The following SNX10 variants were observed in gnomAD, a reference collection of about 807,000 sequenced individuals.
The protein encoded by SNX10 is sorting nexin 10.
A neutral mutation model predicts 28.5 loss-of-function variants in SNX10; 25 were observed. The observed-to-expected ratio is 0.88, with a 90% CI of 0.64 to 1.22. The LOEUF (loss-of-function observed/expected upper bound fraction) is 1.22, where lower values mean the gene tolerates loss of function less well. SNX10 is among the 50% of genes most tolerant of loss of function. SNX10 has a pLI of 0.00. For synonymous variants in SNX10, 62 were observed against 81.4 expected (o/e 0.76, Z 1.28); for missense variants, 223 against 242.6 (o/e 0.92, Z 0.54).
At chr7:26,360,944 G>A in intron 2 of SNX10, 31 bp from the exon 3 acceptor site, 2 of 1,607,146 alleles carry the variant, frequency 1.2e-6, no homozygotes, top group East Asian at 2.3e-5. Context: ...CAGTTCTGAA[G>A]AATATTTCTT....
At position 26,361,053 on chromosome 7, in the gene SNX10, T is replaced by C. The variant is rs746051800; in HGVS notation, c.103T>C (p.Cys35Arg). 4 of 1,596,962 alleles carry C rather than the reference T, an allele frequency of 2.5e-6. No homozygotes were observed. In the South Asian group the frequency reaches 3.3e-5, roughly 13 times the overall value. Residue 35 changes from cysteine to arginine, a missense_variant, in exon 3 of 7, where the codon TGT becomes CGT. Cys to Arg is a radical substitution (Grantham distance 180). Transcript: ENST00000338523. Reference sequence around the variant, plus strand: ...GCATTCTTACATTGACTATGAGATATGTATTCATGTAAGTATGTAGTCAGT... The same window carrying C: ...GCATTCTTACATTGACTATGAGATACGTATTCATGTAAGTATGTAGTCAGT... The part of the protein sequence containing the change: ...FWHSYIDYEI[C>R]IHTNSMCFTM...
At chr7:26,348,323 G>A (rs1370963328) in intron 2 of SNX10, among the ~76,000 whole-genome samples, 1 of 152,182 alleles carries the variant, frequency 6.6e-6, no homozygotes, top group Non-Finnish European at 1.5e-5. Flanking sequence ...CAAGGTTAAG[G>A]GCATAGTTCC....
intron 1 of SNX10, among the ~76,000 whole-genome samples, chr7:26,330,811 G>GCCTC (rs1375529976): frequency 6.6e-6 from 1 of 152,240 alleles, no homozygotes; most frequent in East Asian, 1.9e-4. Flanking sequence ...CTCGAGCCCT[G>GCCTC]GAGTTTGAGA....
At chr7:26,369,926 C>T (rs1356639945) in intron 5 of SNX10, among the ~76,000 whole-genome samples, 1 of 152,148 alleles carries the variant, frequency 6.6e-6, no homozygotes, top group Non-Finnish European at 1.5e-5. Context: ...GTTCAAGGCT[C>T]AGTAGAATTG....
intron 1 of SNX10, among the ~76,000 whole-genome samples, chr7:26,344,297 G>C (rs1330878616): frequency 6.6e-6 from 1 of 150,534 alleles, no homozygotes; most frequent in Non-Finnish European, 1.5e-5. Context: ...TCAGCCTCCT[G>C]AGTAGCTGAG....
intron 2 of SNX10, among the ~76,000 whole-genome samples, chr7:26,357,506 T>A (rs1685753495): frequency 6.6e-6 from 1 of 152,000 alleles, no homozygotes; most frequent in African/African-American, 2.4e-5. Flanking sequence ...GAGTTTGAAC[T>A]TGAAGGTTAT....
intron 1 of SNX10, among the ~76,000 whole-genome samples, chr7:26,321,884 TACAGGC>T (rs1215519755): frequency 2.0e-5 from 3 of 152,242 alleles, no homozygotes; most frequent in African/African-American, 7.2e-5. Flanking sequence ...TAGCTGGAAC[TACAGGC>T]ACATGCCACT....
chr7:26,362,691 T>G, intron 3 of SNX10, among the ~76,000 whole-genome samples: 1 of 152,236 alleles, frequency 6.6e-6, no homozygotes, highest in Admixed American at 6.5e-5. Flanking sequence ...TTGGCTTCTC[T>G]TAGTTGTTAA....
rs1444423805 is a variant in SNX10, at chr7:26,372,024, A to T, written c.515A>T (p.Asp172Val). The change falls in exon 6 of 7, where the codon GAT (aspartate) becomes GTT (valine). Residue 172 changes from aspartate to valine, a missense_variant. By Grantham distance (152) the Asp-to-Val change is radical. Transcript: ENST00000338523. ...EGKKENDIDY[D>V]SESSSSGLGH... ...AAAAAAGAAAATGATATAGATTATG[A>T]TTCAGAAAGGTATTTCCTTGCATTT... The T allele has an allele frequency of 6.3e-7, 1 of 1,595,564 alleles. No individual in the cohort carries two copies. The highest frequency in any genetic ancestry group is 1.1e-5 in the South Asian group (1 of 90,582).
chr7:26,333,219 T>C (rs1259733802), intron 1 of SNX10, among the ~76,000 whole-genome samples: 1 of 152,172 alleles, frequency 6.6e-6, no homozygotes, highest in Non-Finnish European at 1.5e-5. Context: ...TGGTATGTTT[T>C]TCTGTTTATT....
At chr7:26,320,312 A>T (rs13238680) in intron 1 of SNX10, among the ~76,000 whole-genome samples, 51,387 of 151,956 alleles carry the variant, frequency 0.34, 10,742 homozygotes, top group South Asian at 0.48. Flanking sequence ...ATAATATATA[A>T]AAAAAAGTTG....
At chr7:26,366,857 C>A (rs929134004) in intron 5 of SNX10, among the ~76,000 whole-genome samples, 1 of 152,196 alleles carries the variant, frequency 6.6e-6, no homozygotes, top group African/African-American at 2.4e-5. Flanking sequence ...AAATGAATGA[C>A]CCTGTGAGTG....
intron 1 of SNX10, among the ~76,000 whole-genome samples, chr7:26,311,240 T>C (rs1388313358): frequency 1.3e-5 from 2 of 152,152 alleles, no homozygotes; most frequent in African/African-American, 4.8e-5. Context: ...AACCTCCGCC[T>C]CTCGGGTTCA....
intron 1 of SNX10, among the ~76,000 whole-genome samples, chr7:26,323,532 G>T (rs190065003): frequency 1.3e-5 from 2 of 152,294 alleles, no homozygotes; most frequent in South Asian, 4.1e-4. Flanking sequence ...GAGAGGAAGA[G>T]AGTGGAAGGA....
intron 2 of SNX10, among the ~76,000 whole-genome samples, chr7:26,353,084 G>A (rs1249942497): frequency 1.3e-5 from 2 of 152,088 alleles, no homozygotes; most frequent in East Asian, 3.9e-4. Context: ...TTGCAACATT[G>A]TGAGCTATTA....
chr7:26,343,927 A>AC (rs1788273878), intron 1 of SNX10, among the ~76,000 whole-genome samples: 1 of 151,626 alleles, frequency 6.6e-6, no homozygotes, highest in East Asian at 1.9e-4. Context: ...AACCCTCTCC[A>AC]CCCCCACTTA....
Position 26,346,433 on chromosome 7 carries a change from T to A in SNX10, c.-10T>A. On this transcript the variant is annotated 5_prime_UTR_variant, in exon 2 of 7. Coordinates refer to ENST00000338523, the MANE Select transcript of SNX10 (RefSeq NM_013322.3). ...CTTATTTTTCAGATTGATCGTGTCC[T>A]GTGCTGAAGATGTTTCCGGAACAAC... 6.2e-7 allele frequency: 1 copy of A among 1,607,428 alleles called. No individual in the cohort carries two copies. The highest frequency in any genetic ancestry group is 1.3e-5 in the African/African-American group (1 of 74,912).
chr7:26,322,576 A>G (rs889901744), intron 1 of SNX10, among the ~76,000 whole-genome samples: 2 of 151,740 alleles, frequency 1.3e-5, no homozygotes, highest in Non-Finnish European at 2.9e-5. Context: ...TTTTTTCTTT[A>G]TATTTTTACA....
intron 1 of SNX10, among the ~76,000 whole-genome samples, chr7:26,320,008 G>T (rs778122586): frequency 5.9e-5 from 9 of 151,898 alleles, no homozygotes; most frequent in Non-Finnish European, 1.3e-4. Flanking sequence ...TTGAGACAGA[G>T]TCTCACTCTG....
Sources: allele counts gnomAD v4.1 joint callset (sites outside exome capture counted in the v4.1 genomes callset), GRCh38; gene constraint gnomAD v4.1.1; transcripts MANE v1.5; gene names NCBI Gene and HGNC (gene_info 2026-07-23, HGNC 2026-07-21).